Variants in PPFIA2 observed in about 807,000 individuals in gnomAD.
PPFIA2 encodes liprin-alpha-2.
In PPFIA2, 46 loss-of-function variants were observed where a neutral mutation model predicts 175.5. The observed-to-expected ratio is 0.26, with a 90% CI of 0.21 to 0.34. PPFIA2 has a LOEUF of 0.34. PPFIA2 is among the 10% of genes least tolerant of loss of function. The pLI is 1.00. For synonymous variants in PPFIA2, 568 were observed against 511.4 expected, an observed-to-expected ratio of 1.11 and a Z score of -1.49; for missense variants, 1,179 against 1,506.1, an observed-to-expected ratio of 0.78 and a Z score of 3.60.
At chr12:81,551,565 A>G (rs1172212755) in intron 4 of PPFIA2, among the ~76,000 whole-genome samples, 1 of 151,984 alleles carries the variant, frequency 6.6e-6, no homozygotes, top group Non-Finnish European at 1.5e-5. Context: ...GAGATGATCT[A>G]AAGTATAGTG....
At chr12:81,666,835 T>C (rs1184382081) in intron 4 of PPFIA2, among the ~76,000 whole-genome samples, 4 of 152,064 alleles carry the variant, frequency 2.6e-5, no homozygotes, top group African/African-American at 7.2e-5. Flanking sequence ...CAAACAGCTA[T>C]CAAGAGGTTG....
In PPFIA2 at chr12:81,347,567, G is replaced by A. The variant is rs750256772; in HGVS notation, c.2198C>T (p.Ala733Val). 6.2e-7 allele frequency: 1 copy of A among 1,612,724 alleles called. No homozygotes were observed. The highest frequency in any genetic ancestry group is 1.3e-5 in the African/African-American group (1 of 74,852). Residue 733 changes from alanine (A) to valine (V), a missense_variant, in exon 18 of 33, where the codon GCC becomes GTC. Ala to Val is a moderately conservative substitution (Grantham distance 64). Transcript: ENST00000549396. ...GACTCCCATCCGATCCATTTCCCTG[G>A]CAGGGCTTCGAGGGGTGAGCTTTGG... ...STPKLTPRSP[A>V]REMDRMGVMT...
At chr12:81,445,206 T>TGGGGG (rs536566949) in intron 6 of PPFIA2, among the ~76,000 whole-genome samples, 8 of 20,672 alleles carry the variant, frequency 3.9e-4, no homozygotes, top group Non-Finnish European at 4.1e-4. Context: ...AAGACCAAGG[T>TGGGGG]GGGGGGGGGG....
At chr12:81,304,580 C>T (rs903114258) in intron 22 of PPFIA2, among the ~76,000 whole-genome samples, 7 of 152,096 alleles carry the variant, frequency 4.6e-5, no homozygotes, top group South Asian at 4.1e-4. Flanking sequence ...GAAACATGTA[C>T]GTTGAAAAGT....
At chr12:81,383,309 G>A (rs945541664) in intron 9 of PPFIA2, among the ~76,000 whole-genome samples, 2 of 152,130 alleles carry the variant, frequency 1.3e-5, no homozygotes, top group South Asian at 2.1e-4. Flanking sequence ...GTCAGAAAAC[G>A]CAATTTCCAC....
chr12:81,574,619 T>C (rs952924091), intron 4 of PPFIA2, among the ~76,000 whole-genome samples: 1 of 151,682 alleles, frequency 6.6e-6, no homozygotes, highest in Admixed American at 6.6e-5. Flanking sequence ...GAATACCCCA[T>C]GACTTTTCAG....
chr12:81,474,420 C>T (rs1055433063), intron 4 of PPFIA2, among the ~76,000 whole-genome samples: 3 of 151,828 alleles, frequency 2.0e-5, no homozygotes, highest in Admixed American at 6.6e-5. Context: ...GCCTCCCAAA[C>T]TGCTGGGATT....
chr12:81,557,730 T>TA lies in PPFIA2; in HGVS notation c.304-99865dup, dbSNP rs2069152696. On this transcript the variant is annotated intron_variant, in intron 4 of 32. Transcript: ENST00000549396. ...GCTAATTCATAAAAATACACTAAGC[T>TA]AGGTCATTACTCAGAGTTAAATACT... Among the ~76,000 whole-genome samples, 2 of 152,120 alleles carry TA rather than the reference T, an allele frequency of 1.3e-5. 1 individual carries two copies. Among genetic ancestry groups the TA allele is most frequent in the African/African-American group, 4.8e-5 (2 of 41,458 alleles).
At chr12:81,293,939 A>G (rs2045725273) in intron 24 of PPFIA2, among the ~76,000 whole-genome samples, 1 of 152,182 alleles carries the variant, frequency 6.6e-6, no homozygotes, top group Non-Finnish European at 1.5e-5. Context: ...TATACACACC[A>G]TGGAATACTA....
Position 81,293,809 on chromosome 12 carries a change from G to A in PPFIA2, c.2925+1026C>T, listed in dbSNP as rs1318926149. ...TACTTAGTACCTACCCAAAGGAAAA[G>A]CAATTGTTATATCAAAATAATTCCT... On this transcript the variant is annotated intron_variant, in intron 24 of 32. Coordinates refer to ENST00000549396, the MANE Select transcript of PPFIA2 (RefSeq NM_003625.5). 3.9e-5 allele frequency among the ~76,000 whole-genome samples: 6 copies of A among 152,014 alleles called. No individual in the cohort carries two copies. In the South Asian group the frequency reaches 1.0e-3, roughly 26 times the overall value.
chr12:81,437,747 T>C (rs1000736112), intron 7 of PPFIA2, among the ~76,000 whole-genome samples: 1 of 152,112 alleles, frequency 6.6e-6, no homozygotes. Flanking sequence ...CAATTAACAT[T>C]AATAAAATAT....
chr12:81,615,255 G>A (rs2061333829), intron 4 of PPFIA2, among the ~76,000 whole-genome samples: 1 of 152,152 alleles, frequency 6.6e-6, no homozygotes, highest in African/African-American at 2.4e-5. Context: ...GATGGGGAAG[G>A]CTGCAGGAGT....
chr12:81,602,097 A>G (rs890099512), intron 4 of PPFIA2, among the ~76,000 whole-genome samples: 1 of 151,892 alleles, frequency 6.6e-6, no homozygotes, highest in Non-Finnish European at 1.5e-5. Context: ...AATATATAAT[A>G]TACACTTAAA....
At chr12:81,452,462 G>A (rs17306326) in intron 5 of PPFIA2, among the ~76,000 whole-genome samples, 12,634 of 152,016 alleles carry the variant, frequency 0.083, 752 homozygotes, top group Middle Eastern at 0.16. Flanking sequence ...CTCAAATATC[G>A]TTTAAAATCC....
At chr12:81,386,901 A>T (rs1350327741) in intron 8 of PPFIA2, among the ~76,000 whole-genome samples, 1 of 152,136 alleles carries the variant, frequency 6.6e-6, no homozygotes, top group Non-Finnish European at 1.5e-5. Flanking sequence ...TTTAATATGC[A>T]ATTTTGTTCC....
intron 8 of PPFIA2, among the ~76,000 whole-genome samples, chr12:81,392,547 T>C (rs899038181): frequency 4.1e-4 from 63 of 152,056 alleles, no homozygotes; most frequent in African/African-American, 1.5e-3. Context: ...CTTCAATTGT[T>C]ACTTTATCAG....
chr12:81,407,784 TCA>T (rs2043202589), intron 7 of PPFIA2, among the ~76,000 whole-genome samples: 2 of 152,180 alleles, frequency 1.3e-5, no homozygotes, highest in Admixed American at 1.3e-4. Flanking sequence ...ATACAACTCC[TCA>T]GAGTGAATGT....
At chr12:81,722,105 C>T (rs767452688) in intron 3 of PPFIA2, among the ~76,000 whole-genome samples, 2 of 150,826 alleles carry the variant, frequency 1.3e-5, no homozygotes. Context: ...GCATTTAGAT[C>T]TAAAATAATA....
intron 5 of PPFIA2, among the ~76,000 whole-genome samples, chr12:81,455,021 G>A (rs1357262): frequency 0.36 from 54,742 of 151,832 alleles, 11,943 homozygotes; most frequent in African/African-American, 0.6. Context: ...GCTATCACTT[G>A]CGCTTTAAAT....
Sources: allele counts gnomAD v4.1 joint callset (sites outside exome capture counted in the v4.1 genomes callset), GRCh38; gene constraint gnomAD v4.1.1; transcripts MANE v1.5; gene names NCBI Gene and HGNC (gene_info 2026-07-23, HGNC 2026-07-21).